Variants in GDPD4 observed in about 807,000 individuals in gnomAD.
GDPD4 encodes glycerophosphodiester phosphodiesterase 6.
GDPD4 carries 60 observed loss-of-function variants against 67.8 expected under a neutral mutation model. That is an observed-to-expected ratio of 0.88 (90% CI 0.72 to 1.10). The LOEUF (loss-of-function observed/expected upper bound fraction) is 1.10. Ranked by LOEUF, GDPD4 falls within the 50% of genes least tolerant of loss-of-function variation. The probability of loss-of-function intolerance (pLI) is 0.00; values close to 1 mark genes in which losing one functional copy is unlikely to be tolerated. For missense variants in GDPD4, 623 were observed against 613.9 expected, an observed-to-expected ratio of 1.01 and a Z score of -0.16; for synonymous variants, 212 against 210.9, an observed-to-expected ratio of 1.00 and a Z score of -0.04.
Position 77,217,400 on chromosome 11 carries a change from A to ATGTT in GDPD4, c.1526-90_1526-87dup, listed in dbSNP as rs1006277787. 6 of 1,086,780 alleles carry ATGTT rather than the reference A, an allele frequency of 5.5e-6. No individual in the cohort carries two copies. The African/African-American group carries it at 6.2e-5, about 11-fold the overall frequency. The allele number at this position is 1,086,780 out of a possible 1,614,324, so 67.3% of individuals were successfully genotyped here. A position where few individuals can be genotyped will look rare whatever the true frequency, so the allele number is the denominator to read the frequency against. ...GTGTGAAATTCAAGTTATCTCTTAAATGTTAGCCACTCCCTTACCCTTTCA... is the reference window on the plus strand; with the variant it reads ...GTGTGAAATTCAAGTTATCTCTTAAATGTTTGTTAGCCACTCCCTTACCCTTTCA... On this transcript the variant is annotated intron_variant, in intron 16 of 16. Transcript: ENST00000315938.
At position 77,295,864 on chromosome 11, in the gene GDPD4, G is replaced by C. The variant is rs887478378; in HGVS notation, c.-254+5741C>G. Among the ~76,000 whole-genome samples the C allele has an allele frequency of 5.9e-5, 9 of 152,266 alleles. No homozygotes were observed. In the East Asian group the frequency reaches 1.7e-3, roughly 29 times the overall value. On this transcript the variant is annotated intron_variant, in intron 1 of 16. Transcript: ENST00000315938. ...TGGGAGAAAAACTGTCCTATATTTT[G>C]ATGGTACTTACACAATTATATGCAT...
intron 3 of GDPD4, among the ~76,000 whole-genome samples, chr11:77,281,452 A>T (rs2135884616): frequency 6.6e-6 from 1 of 152,300 alleles, no homozygotes; most frequent in Admixed American, 6.5e-5. Context: ...CCTACCAAAA[A>T]ATTCTGCTCT....
chr11:77,254,768 T>C (rs1958972569), intron 11 of GDPD4, among the ~76,000 whole-genome samples: 1 of 152,236 alleles, frequency 6.6e-6, no homozygotes. Context: ...TCTATTCTTA[T>C]TTTGTTATAA....
intron 10 of GDPD4, among the ~76,000 whole-genome samples, chr11:77,265,419 G>T (rs1038698983): frequency 6.6e-6 from 1 of 152,122 alleles, no homozygotes; most frequent in Non-Finnish European, 1.5e-5. Flanking sequence ...TCTGATTTTA[G>T]AATCACTTTA....
chr11:77,254,242 G>C (rs1263196224), intron 11 of GDPD4, among the ~76,000 whole-genome samples: 1 of 152,152 alleles, frequency 6.6e-6, no homozygotes, highest in African/African-American at 2.4e-5. Context: ...GGTCCAAGCT[G>C]TTGCTGGGGG....
At chr11:77,228,450 A>T (rs1958386245) in intron 15 of GDPD4, among the ~76,000 whole-genome samples, 1 of 136,682 alleles carries the variant, frequency 7.3e-6, no homozygotes, top group Non-Finnish European at 1.5e-5. Flanking sequence ...CAGTGAGCCG[A>T]GATCGTGACA....
chr11:77,220,378 C>T (rs374904577), intron 16 of GDPD4, among the ~76,000 whole-genome samples: 3 of 152,174 alleles, frequency 2.0e-5, no homozygotes, highest in Non-Finnish European at 4.4e-5. Flanking sequence ...AGATATGTCC[C>T]ATCAATAGCT....
At chr11:77,267,623 C>T (rs185482868) in intron 10 of GDPD4, among the ~76,000 whole-genome samples, 8 of 152,276 alleles carry the variant, frequency 5.3e-5, no homozygotes, top group Admixed American at 3.3e-4. Flanking sequence ...ACATGTATTT[C>T]GTCCATTTTC....
chr11:77,260,482 T>C (rs2135861204), intron 10 of GDPD4, among the ~76,000 whole-genome samples: 1 of 152,058 alleles, frequency 6.6e-6, no homozygotes, highest in South Asian at 2.1e-4. Flanking sequence ...ATACAAGATA[T>C]AGCACCCAAC....
At chr11:77,219,903 CTG>C (rs1565502143) in intron 16 of GDPD4, among the ~76,000 whole-genome samples, 1 of 152,144 alleles carries the variant, frequency 6.6e-6, no homozygotes, top group African/African-American at 2.4e-5. Context: ...TTTGGAGCAA[CTG>C]TGAATGGGAG....
intron 11 of GDPD4, among the ~76,000 whole-genome samples, chr11:77,250,814 C>T (rs1254159148): frequency 6.6e-6 from 1 of 151,998 alleles, no homozygotes; most frequent in Non-Finnish European, 1.5e-5. Flanking sequence ...ATAATATTTG[C>T]TTTATATGTC....
At chr11:77,220,647 G>A (rs1958208410) in intron 16 of GDPD4, among the ~76,000 whole-genome samples, 1 of 120,556 alleles carries the variant, frequency 8.3e-6, no homozygotes, top group African/African-American at 3.2e-5. Context: ...GTTCATCAGG[G>A]ATATTGGTCT....
intron 10 of GDPD4, among the ~76,000 whole-genome samples, chr11:77,261,362 C>T (rs369138096): frequency 1.3e-5 from 2 of 152,148 alleles, no homozygotes; most frequent in East Asian, 1.9e-4. Flanking sequence ...CTCAGCCTCC[C>T]GAGTAGCTGG....
chr11:77,269,979 A>G lies in GDPD4; in HGVS notation c.401-19T>C. 2.3e-6 allele frequency: 3 copies of G among 1,321,158 alleles called. No individual in the cohort carries two copies. The highest frequency in any genetic ancestry group is 3.2e-6 in the Non-Finnish European group (3 of 925,954). 81.8% of individuals were successfully genotyped at this position (1,321,158 alleles called of 1,614,324 possible). On this transcript the variant is annotated intron_variant, in intron 7 of 16. Transcript: ENST00000315938. ...ATTCTAACTAAAATTTAGAAAGTGA[A>G]AAAGAAAAGAGTTCATTATTGTCCC...
intron 2 of GDPD4, 144 bp from the exon 3 acceptor site, chr11:77,285,331 A>G (rs1040294092): frequency 5.2e-6 from 3 of 576,610 alleles, no homozygotes; most frequent in Non-Finnish European, 6.1e-6. Flanking sequence ...TCTTCTTTTT[A>G]CCCCTACCAA....
At chr11:77,280,028 TG>T (rs2135883275) in intron 3 of GDPD4, among the ~76,000 whole-genome samples, 1 of 152,250 alleles carries the variant, frequency 6.6e-6, no homozygotes, top group East Asian at 1.9e-4. Context: ...TATAGGTTAG[TG>T]AACATATAAC....
chr11:77,284,465 C>G (rs944733129), intron 3 of GDPD4, among the ~76,000 whole-genome samples: 1 of 152,086 alleles, frequency 6.6e-6, no homozygotes. Context: ...ACAAAGAAAA[C>G]AACAACTGTA....
chr11:77,238,711 G>A (rs531525823), intron 13 of GDPD4, among the ~76,000 whole-genome samples: 54 of 151,644 alleles, frequency 3.6e-4, no homozygotes, highest in Non-Finnish European at 1.9e-4. Context: ...AAAGTCTACC[G>A]ACAAAGAAAA....
chr11:77,240,363 A>G (rs1458157770), intron 13 of GDPD4, among the ~76,000 whole-genome samples: 1 of 152,234 alleles, frequency 6.6e-6, no homozygotes, highest in African/African-American at 2.4e-5. Context: ...ATTTCAACAA[A>G]GATGCCAAGA....
Sources: allele counts gnomAD v4.1 joint callset (sites outside exome capture counted in the v4.1 genomes callset), GRCh38; gene constraint gnomAD v4.1.1; transcripts MANE v1.5; gene names NCBI Gene and HGNC (gene_info 2026-07-23, HGNC 2026-07-21).